ATP9B: variants seen among roughly 807,000 people sequenced by gnomAD.
The protein encoded by ATP9B is probable phospholipid-transporting ATPase IIB.
In ATP9B, 110 loss-of-function variants were observed where a neutral mutation model predicts 146.1. The ratio of observed to expected loss-of-function variants is 0.75; its 90% confidence interval spans 0.65 to 0.88. The LOEUF (loss-of-function observed/expected upper bound fraction) is 0.88. Ranked by LOEUF, ATP9B falls within the 40% of genes least tolerant of loss-of-function variation. The pLI, the probability that ATP9B is intolerant of heterozygous loss-of-function variation, is 0.00. For synonymous variants in ATP9B, 604 were observed against 569.7 expected (o/e 1.06, Z -0.86); for missense variants, 1,499 against 1,496.4 (o/e 1.00, Z -0.03).
At chr18:79,150,333 A>C (rs1163460646) in intron 6 of ATP9B, among the ~76,000 whole-genome samples, 1 of 152,200 alleles carries the variant, frequency 6.6e-6, no homozygotes, top group East Asian at 1.9e-4. Flanking sequence ...AACTGTAACT[A>C]TCATACTACC....
chr18:79,184,285 G>GGGAA (rs1198385449), intron 8 of ATP9B, among the ~76,000 whole-genome samples: 1 of 152,144 alleles, frequency 6.6e-6, no homozygotes, highest in Non-Finnish European at 1.5e-5. Context: ...ACCTAGCAGA[G>GGGAA]GGAAGTTGAA....
intron 15 of ATP9B, among the ~76,000 whole-genome samples, chr18:79,321,501 G>A (rs766610835): frequency 2.0e-5 from 3 of 151,804 alleles, no homozygotes; most frequent in Non-Finnish European, 4.4e-5. Context: ...TCCTGCCTCA[G>A]CCCCCCAAAT....
intron 13 of ATP9B, among the ~76,000 whole-genome samples, chr18:79,285,432 C>T (rs1043985150): frequency 1.2e-4 from 19 of 152,214 alleles, no homozygotes; most frequent in African/African-American, 2.9e-4. Flanking sequence ...TTGAGAAGTG[C>T]CTGTTCATGT....
At chr18:79,212,307 A>C (rs2095591777) in intron 10 of ATP9B, among the ~76,000 whole-genome samples, 1 of 152,244 alleles carries the variant, frequency 6.6e-6, no homozygotes, top group Non-Finnish European at 1.5e-5. Flanking sequence ...TTAACAGATT[A>C]TACAAATATT....
intron 8 of ATP9B, among the ~76,000 whole-genome samples, chr18:79,178,734 AT>A (rs2147970656): frequency 6.6e-6 from 1 of 152,150 alleles, no homozygotes; most frequent in African/African-American, 2.4e-5. Flanking sequence ...GTCATACTGC[AT>A]GTCTTTTTAT....
intron 13 of ATP9B, among the ~76,000 whole-genome samples, chr18:79,292,330 A>G (rs1457303617): frequency 1.3e-5 from 2 of 152,314 alleles, no homozygotes; most frequent in South Asian, 2.1e-4. Flanking sequence ...CCAGCCCTCT[A>G]TTAATTAAAG....
chr18:79,208,794 CAAAG>C (rs1156335958), intron 10 of ATP9B, among the ~76,000 whole-genome samples: 1 of 92,328 alleles, frequency 1.1e-5, no homozygotes, highest in African/African-American at 5.1e-5. Context: ...TCTTAACATA[CAAAG>C]AAAGAGAACA....
intron 26 of ATP9B, among the ~76,000 whole-genome samples, chr18:79,367,190 C>CTCCACCG (rs11281799): frequency 0.57 from 22,721 of 39,588 alleles, 9,894 homozygotes; most frequent in East Asian, 0.95. Flanking sequence ...ATACCTTCAC[C>CTCCACCG]TCCACCGTGT....
chr18:79,275,946 A>G (rs7230596), intron 12 of ATP9B, among the ~76,000 whole-genome samples: 3,026 of 152,330 alleles, frequency 0.02, 108 homozygotes, highest in African/African-American at 0.069. Context: ...ACTTACATAC[A>G]GACTTCCTTC....
chr18:79,298,819 A>AGG (rs1424097448), intron 13 of ATP9B, among the ~76,000 whole-genome samples: 2 of 146,176 alleles, frequency 1.4e-5, no homozygotes. Flanking sequence ...CCTTCTCAGG[A>AGG]GGCAGAGTGG....
chr18:79,097,003 C>A (rs911255347), intron 2 of ATP9B, among the ~76,000 whole-genome samples: 1 of 151,764 alleles, frequency 6.6e-6, no homozygotes, highest in Non-Finnish European at 1.5e-5. Flanking sequence ...ACTAAAAATA[C>A]AAAAATTAGC....
In ATP9B at chr18:79,273,008, C is replaced by T. The variant is rs116853316; in HGVS notation, c.1269-4046C>T. ...GAGTTCTTGATTATCTGGATGCAGG[C>T]ACTGGAAGGAAAAGGGAAATGGATT... On this transcript the variant is annotated intron_variant, in intron 12 of 29. Coordinates refer to ENST00000426216, the MANE Select transcript of ATP9B (RefSeq NM_198531.5). Among the ~76,000 whole-genome samples, 297 of 152,262 alleles carry T rather than the reference C, an allele frequency of 2.0e-3. 2 individuals are homozygous for T. In the East Asian group the frequency reaches 0.03, roughly 15 times the overall value.
At chr18:79,327,135 T>C (rs1289901018) in intron 15 of ATP9B, among the ~76,000 whole-genome samples, 5 of 152,248 alleles carry the variant, frequency 3.3e-5, no homozygotes, top group African/African-American at 1.2e-4. Context: ...TGATTTAATA[T>C]CCTGTGCACT....
intron 25 of ATP9B, chr18:79,354,628 C>T (rs1289899556): frequency 1.2e-5 from 1 of 80,518 alleles, no homozygotes; most frequent in Non-Finnish European, 2.9e-5. Flanking sequence ...GCTCCACTTC[C>T]AGGACGGTGG....
chr18:79,270,035 A>G (rs974278838), intron 12 of ATP9B, among the ~76,000 whole-genome samples: 1 of 152,250 alleles, frequency 6.6e-6, no homozygotes, highest in African/African-American at 2.4e-5. Flanking sequence ...AGCACTTAAC[A>G]TAATCACTGC....
At chr18:79,247,043 A>G (rs2095974837) in intron 11 of ATP9B, among the ~76,000 whole-genome samples, 1 of 152,248 alleles carries the variant, frequency 6.6e-6, no homozygotes, top group African/African-American at 2.4e-5. Context: ...TATCACATGC[A>G]TATTTTTGTT....
chr18:79,152,784 G>A (rs938553516), intron 6 of ATP9B, among the ~76,000 whole-genome samples: 6 of 152,088 alleles, frequency 3.9e-5, no homozygotes, highest in African/African-American at 1.4e-4. Flanking sequence ...TTTTCTCAGC[G>A]CTATTGATTG....
Position 79,214,003 on chromosome 18 carries a change from C to T in ATP9B, c.1072C>T (p.Arg358Ter), listed in dbSNP as rs754999879. ...TGTCATTTATACCGGAAAAGAGACTCGAAGTGTAATGAACACATCCAATCC... is the reference window on the plus strand; with the variant it reads ...TGTCATTTATACCGGAAAAGAGACTTGAAGTGTAATGAACACATCCAATCC... Reference protein sequence around the residue: ...GVVIYTGKETRSVMNTSNPKN... With the variant: ...GVVIYTGKET Residue 358 changes from arginine (R) to a stop codon, truncating the protein, a stop_gained, in exon 11 of 30, where the codon CGA becomes TGA. Coordinates refer to ENST00000426216, the MANE Select transcript of ATP9B (RefSeq NM_198531.5). LOFTEE classifies it high-confidence loss of function. 12 of 1,606,010 alleles carry T rather than the reference C, an allele frequency of 7.5e-6. No individual in the cohort carries two copies. The highest frequency in any genetic ancestry group is 1.3e-5 in the African/African-American group (1 of 74,430).
At chr18:79,368,246 T>G (rs956298103) in intron 26 of ATP9B, among the ~76,000 whole-genome samples, 2 of 152,220 alleles carry the variant, frequency 1.3e-5, no homozygotes, top group African/African-American at 4.8e-5. Flanking sequence ...CTAGGATAGA[T>G]GAACAGAATT....
Sources: allele counts gnomAD v4.1 joint callset (sites outside exome capture counted in the v4.1 genomes callset), GRCh38; gene constraint gnomAD v4.1.1; transcripts MANE v1.5; gene names NCBI Gene and HGNC (gene_info 2026-07-23, HGNC 2026-07-21).